The following HERC4 variants were observed in gnomAD, a reference collection of about 807,000 sequenced individuals.
HERC4 encodes HECT and RLD domain containing E3 ubiquitin protein ligase 4.
Under a neutral mutation model 124.3 loss-of-function variants are expected in HERC4, and 28 were observed. That is an observed-to-expected ratio of 0.23 (90% CI 0.17 to 0.31). The LOEUF is 0.31. Ranked by LOEUF, HERC4 falls within the 10% of genes least tolerant of loss-of-function variation. The pLI is 1.00. For synonymous variants in HERC4, 407 were observed against 421.5 expected (o/e 0.97, Z 0.42); for missense variants, 713 against 1,229.3 (o/e 0.58, Z 6.28).
intron 9 of HERC4, among the ~76,000 whole-genome samples, chr10:67,997,126 T>C (rs1191498813): frequency 6.6e-6 from 1 of 152,218 alleles, no homozygotes; most frequent in Non-Finnish European, 1.5e-5. Flanking sequence ...GAAATGAATT[T>C]TATTTTCCTC....
intron 4 of HERC4, 197 bp from the exon 5 acceptor site, chr10:68,038,366 T>A: frequency 4.8e-5 from 19 of 394,300 alleles, no homozygotes; most frequent in Non-Finnish European, 7.6e-5. Context: ...AAAAAAAAAA[T>A]TAAAGGGGTG....
chr10:68,072,711 A>G (rs1483002803), intron 3 of HERC4, among the ~76,000 whole-genome samples, 172 bp downstream of exon 3: 1 of 152,188 alleles, frequency 6.6e-6, no homozygotes, highest in Non-Finnish European at 1.5e-5. Context: ...AAACCACAAC[A>G]TAAAGTACTT....
At chr10:67,995,379 A>C (rs2036809868) in intron 9 of HERC4, 1 of 350,118 alleles carries the variant, frequency 2.9e-6, no homozygotes, top group Non-Finnish European at 5.6e-6. Context: ...ATCTTATAAC[A>C]GGAAAGAGAG....
intron 3 of HERC4, among the ~76,000 whole-genome samples, chr10:68,055,239 CA>C (rs1158965305): frequency 2.0e-5 from 3 of 152,142 alleles, no homozygotes; most frequent in African/African-American, 7.2e-5. Context: ...AAAACTAAAA[CA>C]TCAATAAATT....
In HERC4 at chr10:68,059,721, T is replaced by TA. The variant is rs1239790042; in HGVS notation, c.226+13161dup. ...TATAATATTATATATCATAATATTA[T>TA]ATATTATATATCATAATATTATATA... On this transcript the variant is annotated intron_variant, in intron 3 of 24. Coordinates refer to ENST00000373700, the MANE Select transcript of HERC4 (RefSeq NM_015601.4). Among the ~76,000 whole-genome samples, 20 of 42,308 alleles carry TA rather than the reference T, an allele frequency of 4.7e-4. 5 individuals carry two copies. In the African/African-American group the frequency reaches 9.7e-3, roughly 20 times the overall value. 27.8% of individuals were successfully genotyped at this position (42,308 alleles called of 152,430 possible).
intron 15 of HERC4, among the ~76,000 whole-genome samples, chr10:67,973,023 A>T (rs2132527837): frequency 1.3e-5 from 2 of 152,326 alleles, no homozygotes; most frequent in South Asian, 4.1e-4. Context: ...TTTACTTTCA[A>T]ATGATTCATG....
intron 15 of HERC4, among the ~76,000 whole-genome samples, chr10:67,977,962 T>C (rs547374469): frequency 5.0e-4 from 72 of 142,850 alleles, no homozygotes; most frequent in African/African-American, 1.6e-3. Flanking sequence ...GCCTGGGCAA[T>C]AGAGCCAGAC....
intron 16 of HERC4, among the ~76,000 whole-genome samples, chr10:67,963,279 T>C (rs1199831276): frequency 6.6e-6 from 1 of 152,152 alleles, no homozygotes; most frequent in African/African-American, 2.4e-5. Context: ...TGCAGTGGCG[T>C]GATCTCAACT....
chr10:68,027,937 T>A (rs988681364), intron 7 of HERC4, among the ~76,000 whole-genome samples: 2 of 147,536 alleles, frequency 1.4e-5, no homozygotes, highest in Admixed American at 6.8e-5. Context: ...AAGAAAAAAA[T>A]TATATATATA....
intron 23 of HERC4, among the ~76,000 whole-genome samples, chr10:67,932,109 C>T (rs2031878093): frequency 6.6e-6 from 1 of 152,034 alleles, no homozygotes; most frequent in South Asian, 2.1e-4. Flanking sequence ...AGGCACGTGC[C>T]ACCACACCCA....
chr10:68,002,165 C>T (rs1356690837), intron 9 of HERC4, among the ~76,000 whole-genome samples: 1 of 148,354 alleles, frequency 6.7e-6, no homozygotes, highest in Non-Finnish European at 1.5e-5. Flanking sequence ...CTGAAAAAGC[C>T]TTTTAATTAT....
intron 3 of HERC4, among the ~76,000 whole-genome samples, chr10:68,061,908 A>T (rs34053728): frequency 6.8e-6 from 1 of 147,360 alleles, no homozygotes; most frequent in South Asian, 2.1e-4. Context: ...AAAAAAAAAA[A>T]TCTGTATATA....
intron 21 of HERC4, among the ~76,000 whole-genome samples, chr10:67,937,086 G>A (rs1430605093): frequency 6.6e-6 from 1 of 152,042 alleles, no homozygotes; most frequent in African/African-American, 2.4e-5. Context: ...CTACAAGTAG[G>A]GGTAGTATTT....
intron 3 of HERC4, among the ~76,000 whole-genome samples, chr10:68,059,159 T>C (rs2040702686): frequency 6.6e-6 from 1 of 152,036 alleles, no homozygotes; most frequent in Admixed American, 6.6e-5. Flanking sequence ...TATTACTGTG[T>C]TTTTAGAATT....
intron 8 of HERC4, among the ~76,000 whole-genome samples, chr10:68,017,097 G>A (rs1394205477): frequency 6.6e-6 from 1 of 152,022 alleles, no homozygotes; most frequent in East Asian, 1.9e-4. Context: ...TTTGCTTTTG[G>A]TCAACGAGAT....
intron 22 of HERC4, 71 bp downstream of exon 22, chr10:67,936,082 G>A (rs373404591): frequency 4.3e-5 from 42 of 974,812 alleles, no homozygotes; most frequent in Non-Finnish European, 6.1e-5. Flanking sequence ...GTTGTGACAC[G>A]TTTTCTACGT....
At position 68,059,521 on chromosome 10, in the gene HERC4, TA is replaced by T. The variant is rs1482773712; in HGVS notation, c.226+13361del. 1.8e-3 allele frequency among the ~76,000 whole-genome samples: 174 copies of T among 98,388 alleles called. 1 individual carries two copies. Among genetic ancestry groups the T allele is most frequent in the Middle Eastern group, 4.3e-3 (1 of 232 alleles). 64.5% of individuals were successfully genotyped at this position (98,388 alleles called of 152,430 possible). ...TTATATATTATAATATTATATATCATAATAATATTATATATCATATTATATA... is the reference window on the plus strand; with the variant it reads ...TTATATATTATAATATTATATATCATATAATATTATATATCATATTATATA... On this transcript the variant is annotated intron_variant, in intron 3 of 24. Coordinates refer to ENST00000373700, the MANE Select transcript of HERC4 (RefSeq NM_015601.4).
intron 9 of HERC4, among the ~76,000 whole-genome samples, chr10:68,005,966 G>A (rs1465831016): frequency 6.6e-6 from 1 of 152,044 alleles, no homozygotes; most frequent in East Asian, 1.9e-4. Context: ...TTTCTGATCT[G>A]ATCTGAGGTT....
At chr10:68,065,598 C>T (rs1311031991) in intron 3 of HERC4, among the ~76,000 whole-genome samples, 1 of 152,050 alleles carries the variant, frequency 6.6e-6, no homozygotes, top group Non-Finnish European at 1.5e-5. Context: ...TAAGGCCTGG[C>T]GTGGTGGTTC....
Sources: allele counts gnomAD v4.1 joint callset (sites outside exome capture counted in the v4.1 genomes callset), GRCh38; gene constraint gnomAD v4.1.1; transcripts MANE v1.5; gene names NCBI Gene and HGNC (gene_info 2026-07-23, HGNC 2026-07-21).